E2F7: variants seen among roughly 807,000 people sequenced by gnomAD.
E2F7 encodes transcription factor E2F7.
E2F7 carries 35 observed loss-of-function variants against 81.1 expected under a neutral mutation model. The observed-to-expected ratio is 0.43, with a 90% CI of 0.33 to 0.57. E2F7 has a LOEUF of 0.57. Ranked by LOEUF, E2F7 falls within the 20% of genes least tolerant of loss-of-function variation. The probability of loss-of-function intolerance (pLI) is 0.04; values close to 1 mark genes in which losing one functional copy is unlikely to be tolerated. For missense variants in E2F7, 961 were observed against 1,093.7 expected, an observed-to-expected ratio of 0.88 and a Z score of 1.71; for synonymous variants, 416 against 416.2, an observed-to-expected ratio of 1.00 and a Z score of 0.01.
Position 77,061,976 on chromosome 12 carries a change from T to C in E2F7, c.93+2567A>G, listed in dbSNP as rs189097843. 2.6e-3 allele frequency among the ~76,000 whole-genome samples: 390 copies of C among 152,348 alleles called. 1 individual carries two copies. Among genetic ancestry groups the C allele is most frequent in the Admixed American group, 4.1e-3 (63 of 15,302 alleles). ...TTTTTAACTCCCTCTGAACTTCCCA[T>C]GAATTTATTTCCTCCTCTTCTTTCT... is the stretch of plus-strand genomic sequence containing the variant. On this transcript the variant is annotated intron_variant, in intron 2 of 12. Coordinates refer to ENST00000322886, the MANE Select transcript of E2F7 (RefSeq NM_203394.3).
rs1342657408 is a variant in E2F7 at position 77,024,052 on chromosome 12, TG to T, written c.2698del (p.Gln900ArgfsTer4). ...RNQSRNTSSAQRRLEIPSGGA... is the reference protein window; with the variant it reads ...RNQSRNTSSAXRRLEIPSGGA... ...GCCGCTGGGGATTTCTAGTCTCCTC[TG>T]GGCCGAGCTGGTGTTTCGTGACTGG... On this transcript the variant is annotated frameshift_variant, in exon 13 of 13. Coordinates refer to ENST00000322886, the MANE Select transcript of E2F7 (RefSeq NM_203394.3). LOFTEE classifies it high-confidence loss of function. The T allele has an allele frequency of 6.2e-7, 1 of 1,614,024 alleles. No individual in the cohort carries two copies. Among genetic ancestry groups the T allele is most frequent in the African/African-American group, 1.3e-5 (1 of 75,010 alleles).
intron 5 of E2F7, 111 bp from the exon 6 acceptor site, chr12:77,044,906 C>T (rs999086279): frequency 5.5e-6 from 7 of 1,267,652 alleles, no homozygotes; most frequent in Non-Finnish European, 6.4e-6. Flanking sequence ...AAAGATCACC[C>T]TTGTCATTGG....
At chr12:77,056,634 G>A (rs1410513178) in intron 2 of E2F7, among the ~76,000 whole-genome samples, 1 of 152,136 alleles carries the variant, frequency 6.6e-6, no homozygotes, top group Non-Finnish European at 1.5e-5. Flanking sequence ...GCTCTCTAAC[G>A]TCATTCTCCA....
intron 7 of E2F7, among the ~76,000 whole-genome samples, chr12:77,038,083 T>A (rs1469850916): frequency 6.6e-6 from 1 of 152,118 alleles, no homozygotes; most frequent in East Asian, 1.9e-4. Flanking sequence ...AAAGGGTCAG[T>A]TCATCAAGAA....
intron 7 of E2F7, among the ~76,000 whole-genome samples, chr12:77,037,061 C>T (rs508024): frequency 0.074 from 11,231 of 152,182 alleles, 601 homozygotes; most frequent in Middle Eastern, 0.17. Flanking sequence ...ACCTAGAATT[C>T]TTTACCCAGC....
intron 7 of E2F7, among the ~76,000 whole-genome samples, chr12:77,036,250 A>G (rs1037095533): frequency 3.9e-5 from 6 of 152,340 alleles, no homozygotes; most frequent in African/African-American, 7.2e-5. Flanking sequence ...CTTAAAACCA[A>G]TCATAGAGAG....
chr12:77,049,983 G>A (rs1054092462), intron 4 of E2F7, among the ~76,000 whole-genome samples: 7 of 152,142 alleles, frequency 4.6e-5, no homozygotes, highest in South Asian at 4.2e-4. Context: ...TGAAGCAGGT[G>A]TATACATATT....
chr12:77,029,509 T>C (rs1046184555), intron 10 of E2F7, among the ~76,000 whole-genome samples: 2 of 152,194 alleles, frequency 1.3e-5, no homozygotes, highest in African/African-American at 4.8e-5. Flanking sequence ...TAATTTGTTT[T>C]AAAAAAAGGA....
intron 2 of E2F7, among the ~76,000 whole-genome samples, chr12:77,061,702 G>C (rs1008758967): frequency 6.6e-6 from 1 of 152,192 alleles, no homozygotes; most frequent in Admixed American, 6.5e-5. Flanking sequence ...GGCCAAGAAA[G>C]AAATCCTCTA....
Position 77,042,918 on chromosome 12 carries a change from T to C in E2F7, c.1123+147A>G, listed in dbSNP as rs950269485. ...AGCATGCACAATTTGTAGGCTAATGTTAACTGTTCCAAGAGTGGAGTCACT... is the reference window on the plus strand; with the variant it reads ...AGCATGCACAATTTGTAGGCTAATGCTAACTGTTCCAAGAGTGGAGTCACT... On this transcript the variant is annotated intron_variant, in intron 7 of 12. Coordinates refer to ENST00000322886, the MANE Select transcript of E2F7 (RefSeq NM_203394.3). 11 of 1,264,326 alleles carry C rather than the reference T, an allele frequency of 8.7e-6. No homozygotes were observed. The African/African-American group carries it at 1.5e-4, about 17-fold the overall frequency. The allele number at this position is 1,264,326 out of a possible 1,614,324, so 78.3% of individuals were successfully genotyped here.
intron 9 of E2F7, 67 bp downstream of exon 9, chr12:77,032,983 C>T: frequency 1.3e-6 from 2 of 1,485,172 alleles, no homozygotes; most frequent in Non-Finnish European, 1.8e-6. Flanking sequence ...GGTGGCACTG[C>T]AATTTAGTCA....
At chr12:77,026,853 T>A (rs1954764110) in intron 11 of E2F7, among the ~76,000 whole-genome samples, 1 of 152,232 alleles carries the variant, frequency 6.6e-6, no homozygotes, top group Admixed American at 6.5e-5. Flanking sequence ...ATTTTTCTAG[T>A]TGCATTCAAT....
intron 2 of E2F7, among the ~76,000 whole-genome samples, chr12:77,057,146 G>A (rs1240841323): frequency 2.6e-5 from 4 of 152,134 alleles, no homozygotes; most frequent in Non-Finnish European, 5.9e-5. Flanking sequence ...TCAAACTCCT[G>A]GGTTCAAGTG....
chr12:77,037,568 T>G (rs942163997), intron 7 of E2F7, among the ~76,000 whole-genome samples: 8 of 152,226 alleles, frequency 5.3e-5, no homozygotes, highest in Non-Finnish European at 1.0e-4. Context: ...GTACAATACA[T>G]GTAGTATACT....
chr12:77,024,295 C>A, intron 12 of E2F7, 110 bp from the exon 13 acceptor site: 1 of 1,220,586 alleles, frequency 8.2e-7, no homozygotes. Context: ...GGCAGGCGTT[C>A]CTTCTTCTTT....
At chr12:77,037,693 G>C (rs929033860) in intron 7 of E2F7, among the ~76,000 whole-genome samples, 7 of 151,854 alleles carry the variant, frequency 4.6e-5, no homozygotes, top group African/African-American at 1.7e-4. Context: ...GAGATAAAAT[G>C]GAAGCATAAG....
At position 77,027,902 on chromosome 12, in the gene E2F7, A is replaced by G; in HGVS notation, c.2121T>C (p.Leu707=). ...CCTTACCTGCAGGAGACTGCACACA[A>G]AGATATTGTAGCAAAGAAGGCTCTT... ...STKEPSLLQY[L]CVQSPAGLNG... is the part of the protein sequence containing the mutation. Residue 707 remains leucine (L), a synonymous_variant, in exon 11 of 13, where the codon CTT becomes CTC. Transcript: ENST00000322886. 1.2e-6 allele frequency: 2 copies of G among 1,614,136 alleles called. No homozygotes were observed. The highest frequency in any genetic ancestry group is 1.7e-6 in the Non-Finnish European group (2 of 1,180,036).
At chr12:77,034,100 C>A (rs189854463) in intron 7 of E2F7, 58 bp from the exon 8 acceptor site, 9 of 1,497,980 alleles carry the variant, frequency 6.0e-6, no homozygotes, top group Admixed American at 2.0e-5. Context: ...GGATAATTTT[C>A]GTCTATTTAA....
intron 6 of E2F7, chr12:77,044,149 T>C (rs1954919053): frequency 3.0e-6 from 1 of 336,204 alleles, no homozygotes; most frequent in African/African-American, 2.1e-5. Context: ...GTATCCAAGA[T>C]GGACAGAAAA....
Sources: gnomAD v4.1 joint callset for allele counts (sites outside exome capture counted in the v4.1 genomes callset) on GRCh38, gnomAD v4.1.1 for gene constraint, MANE v1.5 for transcripts, NCBI Gene and HGNC (gene_info 2026-07-23, HGNC 2026-07-21) for gene names.